C1GALT1: variants seen among roughly 807,000 people sequenced by gnomAD.
The protein encoded by C1GALT1 is glycoprotein-N-acetylgalactosamine 3-beta-galactosyltransferase 1.
C1GALT1 carries 11 observed loss-of-function variants against 31.0 expected under a neutral mutation model. The ratio of observed to expected loss-of-function variants is 0.36; its 90% CI spans 0.22 to 0.59. C1GALT1 has a LOEUF of 0.59. Ranked by LOEUF, C1GALT1 falls within the 20% of genes least tolerant of loss-of-function variation. The probability of loss-of-function intolerance (pLI) is 0.79; values close to 1 mark genes in which losing one functional copy is unlikely to be tolerated. For synonymous variants in C1GALT1, 175 were observed against 143.6 expected (o/e 1.22, Z -1.56); for missense variants, 424 against 425.2 (o/e 1.00, Z 0.03).
At chr7:7,206,643 T>C (rs867283061) in intron 1 of C1GALT1, among the ~76,000 whole-genome samples, 1 of 146,930 alleles carries the variant, frequency 6.8e-6, no homozygotes. Context: ...GCCATTGCAC[T>C]CCAGCCTGGG....
chr7:7,216,510 A>C (rs528104356), intron 1 of C1GALT1, among the ~76,000 whole-genome samples: 1 of 136,750 alleles, frequency 7.3e-6, no homozygotes, highest in African/African-American at 2.9e-5. Flanking sequence ...CAGCCAAAAA[A>C]AACATCTGGA....
In C1GALT1 at chr7:7,182,804, G is replaced by C. The variant is rs890696970; in HGVS notation, c.-34G>C. Reference sequence around the variant, plus strand: ...CGCCCCCCAGGAGGGGCGAGAGGGAGCCGCAGCTGATGTCAGGTATGGCCG... The same window carrying C: ...CGCCCCCCAGGAGGGGCGAGAGGGACCCGCAGCTGATGTCAGGTATGGCCG... On this transcript the variant is annotated 5_prime_UTR_variant, in exon 1 of 4. Coordinates refer to ENST00000436587, the MANE Select transcript of C1GALT1 (RefSeq NM_020156.5). 8 of 985,546 alleles carry C rather than the reference G, an allele frequency of 8.1e-6. No individual in the cohort carries two copies. The African/African-American group carries it at 1.4e-4, about 17-fold the overall frequency. The allele number at this position is 985,546 out of a possible 1,614,324, so 61.1% of individuals were successfully genotyped here. A position where few individuals can be genotyped will look rare whatever the true frequency, so the allele number is the denominator to read the frequency against.
intron 2 of C1GALT1, among the ~76,000 whole-genome samples, chr7:7,235,448 G>T (rs1162849110): frequency 6.6e-6 from 1 of 152,096 alleles, no homozygotes; most frequent in African/African-American, 2.4e-5. Flanking sequence ...GTCGTGTTTT[G>T]TGATTGTTTA....
intron 1 of C1GALT1, among the ~76,000 whole-genome samples, chr7:7,214,172 A>G (rs1274370541): frequency 2.6e-5 from 4 of 152,222 alleles, no homozygotes; most frequent in Non-Finnish European, 4.4e-5. Context: ...AGTAGATAAC[A>G]CAATGCAAAA....
chr7:7,216,679 A>G (rs1782259449), intron 1 of C1GALT1, among the ~76,000 whole-genome samples: 1 of 152,234 alleles, frequency 6.6e-6, no homozygotes, highest in Non-Finnish European at 1.5e-5. Flanking sequence ...TACTATCTTA[A>G]TCGGAGACAG....
chr7:7,199,667 G>A (rs1781452418), intron 1 of C1GALT1, among the ~76,000 whole-genome samples: 1 of 152,158 alleles, frequency 6.6e-6, no homozygotes, highest in Non-Finnish European at 1.5e-5. Context: ...ATTATTGTGT[G>A]GGAGTCGAAG....
chr7:7,238,549 C>T lies in C1GALT1; in HGVS notation c.515C>T (p.Thr172Met), dbSNP rs766223917. The T allele has an allele frequency of 1.2e-6, 2 of 1,613,984 alleles. No homozygotes were observed. The highest frequency in any genetic ancestry group is 2.2e-5 in the East Asian group (1 of 44,876). ...ADWFLKADDD[T>M]YVILDNLRWL... ...TGGTTTTTGAAAGCAGATGATGACA[C>T]GTATGTCATACTAGACAATTTGAGG... Residue 172 changes from threonine (T) to methionine (M), a missense_variant, in exon 3 of 4, where the codon ACG becomes ATG. Thr to Met is a moderately conservative substitution (Grantham distance 81). Around this residue, in one of 3 missense-constraint regions of C1GALT1, gnomAD observed 44 missense variants for 78.3 expected, o/e 0.56. Coordinates refer to ENST00000436587, the MANE Select transcript of C1GALT1 (RefSeq NM_020156.5). The surrounding 1 kb of genome is among the most constrained non-coding windows in gnomAD (Gnocchi z 5.2).
At chr7:7,196,083 T>C (rs927980958) in intron 1 of C1GALT1, among the ~76,000 whole-genome samples, 6 of 152,188 alleles carry the variant, frequency 3.9e-5, no homozygotes, top group Non-Finnish European at 7.4e-5. Context: ...TTTATTATAC[T>C]TCAAAGTTCT....
chr7:7,183,187 T>G (rs1780662684), intron 1 of C1GALT1, among the ~76,000 whole-genome samples: 1 of 150,998 alleles, frequency 6.6e-6, no homozygotes, highest in Non-Finnish European at 1.5e-5. Context: ...CCGGACCACT[T>G]AGCGGTCCTG....
chr7:7,203,094 T>TTTG (rs1186951377), intron 1 of C1GALT1, among the ~76,000 whole-genome samples: 2 of 138,566 alleles, frequency 1.4e-5, no homozygotes, highest in African/African-American at 6.1e-5. Context: ...TCTAACAGGT[T>TTTG]TTTTTTTTTT....
At chr7:7,220,769 C>G (rs960357108) in intron 1 of C1GALT1, among the ~76,000 whole-genome samples, 1 of 152,154 alleles carries the variant, frequency 6.6e-6, no homozygotes, top group Non-Finnish European at 1.5e-5. Flanking sequence ...ATCTGCTGGC[C>G]TCGGCCTCCC....
intron 2 of C1GALT1, among the ~76,000 whole-genome samples, chr7:7,167,828 A>G (rs1470046422): frequency 6.6e-6 from 1 of 152,082 alleles, no homozygotes; most frequent in South Asian, 2.1e-4. Context: ...TACTCCTATG[A>G]AGCAGCAAAA....
At chr7:7,241,552 T>A (rs563701373) in intron 3 of C1GALT1, among the ~76,000 whole-genome samples, 1 of 152,172 alleles carries the variant, frequency 6.6e-6, no homozygotes, top group Admixed American at 6.5e-5. Context: ...TTGCCCAGGA[T>A]TTTTTGTAAG....
At chr7:7,187,543 T>C (rs893556237) in intron 1 of C1GALT1, among the ~76,000 whole-genome samples, 2 of 152,242 alleles carry the variant, frequency 1.3e-5, no homozygotes, top group African/African-American at 4.8e-5. Context: ...ACAGACATTT[T>C]TGTTTGTCAC....
At position 7,245,483 on chromosome 7, in the gene C1GALT1, A is replaced by G. The variant is rs1381108506; in HGVS notation, c.*1756A>G. The G allele has an allele frequency of 6.6e-6, 1 of 152,200 alleles. No homozygotes were observed. Among genetic ancestry groups the G allele is most frequent in the African/African-American group, 2.4e-5 (1 of 41,452 alleles). 9.4% of individuals were successfully genotyped at this position (152,200 alleles called of 1,614,324 possible). A position where few individuals can be genotyped will look rare whatever the true frequency, so the allele number is the denominator to read the frequency against. On this transcript the variant is annotated 3_prime_UTR_variant, in exon 4 of 4. Coordinates refer to ENST00000436587, the MANE Select transcript of C1GALT1 (RefSeq NM_020156.5). ...GTGAGTCACAGCACCCGGCTAAGTA[A>G]TTTCTATTTATTGTGCCAAAACATG...
At chr7:7,177,258 C>T (rs1031166231) in intron 2 of C1GALT1, among the ~76,000 whole-genome samples, 2 of 152,172 alleles carry the variant, frequency 1.3e-5, no homozygotes, top group Non-Finnish European at 2.9e-5. Flanking sequence ...GTTAGTCATG[C>T]CACAAAAATG....
At chr7:7,197,493 T>G in intron 1 of C1GALT1, among the ~76,000 whole-genome samples, 1 of 152,180 alleles carries the variant, frequency 6.6e-6, no homozygotes, top group Non-Finnish European at 1.5e-5. Flanking sequence ...CCAGCTTTGT[T>G]TTTTTGGCTT....
At chr7:7,210,361 TG>T (rs1299071177) in intron 1 of C1GALT1, 1 of 151,976 alleles carries the variant, frequency 6.6e-6, no homozygotes, top group East Asian at 1.9e-4. Flanking sequence ...ATTATAGAAA[TG>T]TATTTAAAGC....
intron 1 of C1GALT1, among the ~76,000 whole-genome samples, chr7:7,223,654 C>T (rs1782615827): frequency 6.6e-6 from 1 of 152,000 alleles, no homozygotes; most frequent in South Asian, 2.1e-4. Context: ...TTTCTTTTCA[C>T]AAAATCCTTG....
Sources: gnomAD v4.1 joint callset for allele counts (sites outside exome capture counted in the v4.1 genomes callset) on GRCh38, gnomAD v4.1.1 for gene constraint, gnomAD v4.1.1 regional missense constraint, Gnocchi (gnomAD v3.1) non-coding constraint, MANE v1.5 for transcripts, NCBI Gene and HGNC (gene_info 2026-07-23, HGNC 2026-07-21) for gene names.